TOR1AIP1: variants seen among roughly 807,000 people sequenced by gnomAD.
TOR1AIP1 encodes the protein torsin 1A interacting protein 1.
In TOR1AIP1, 54 loss-of-function variants were observed where a neutral mutation model predicts 63.3. The observed-to-expected ratio is 0.85, with a 90% CI of 0.69 to 1.07. The LOEUF is 1.07. Ranked by LOEUF, TOR1AIP1 falls within the 50% of genes least tolerant of loss-of-function variation. The pLI is 0.00. For synonymous variants in TOR1AIP1, 294 were observed against 273.5 expected (o/e 1.07, Z -0.74); for missense variants, 736 against 715.0 (o/e 1.03, Z -0.33).
chr1:179,899,956 A>G (rs550729045), intron 3 of TOR1AIP1, among the ~76,000 whole-genome samples, 170 bp from the exon 4 acceptor site: 1 of 152,280 alleles, frequency 6.6e-6, no homozygotes, highest in East Asian at 1.9e-4. Context: ...ATTCTTAGTG[A>G]TTTAACAGAA....
At chr1:179,887,667 A>G (rs1379483468) in intron 2 of TOR1AIP1, among the ~76,000 whole-genome samples, 2 of 152,260 alleles carry the variant, frequency 1.3e-5, no homozygotes, top group African/African-American at 4.8e-5. Flanking sequence ...TCTGGAAATT[A>G]TGACACTAAT....
intron 1 of TOR1AIP1, chr1:179,883,806 A>T: frequency 2.5e-6 from 1 of 397,226 alleles, no homozygotes; most frequent in Admixed American, 2.8e-5. Flanking sequence ...CAGTTTCCTT[A>T]ATCTATCCTC....
intron 3 of TOR1AIP1, among the ~76,000 whole-genome samples, chr1:179,899,713 C>T (rs1279620037): frequency 6.6e-6 from 1 of 152,138 alleles, no homozygotes; most frequent in Non-Finnish European, 1.5e-5. Context: ...GGCGCGATCT[C>T]GGCTCACTGC....
At chr1:179,906,009 T>C (rs992797282) in intron 6 of TOR1AIP1, among the ~76,000 whole-genome samples, 1 of 152,146 alleles carries the variant, frequency 6.6e-6, no homozygotes, top group Non-Finnish European at 1.5e-5. Context: ...TGTATCCTAA[T>C]GAAAAGTTGA....
At chr1:179,906,887 A>G (rs1202385781) in intron 6 of TOR1AIP1, among the ~76,000 whole-genome samples, 3 of 150,802 alleles carry the variant, frequency 2.0e-5, no homozygotes, top group Non-Finnish European at 4.4e-5. Context: ...ACAGGCGCCC[A>G]CCACCACGCC....
At chr1:179,915,155 T>C (rs1016836861) in intron 9 of TOR1AIP1, among the ~76,000 whole-genome samples, 28 of 152,202 alleles carry the variant, frequency 1.8e-4, no homozygotes, top group African/African-American at 6.3e-4. Context: ...TATACAGATA[T>C]GAAAAATTTT....
chr1:179,905,486 G>A (rs1308137208), intron 6 of TOR1AIP1, among the ~76,000 whole-genome samples: 1 of 152,026 alleles, frequency 6.6e-6, no homozygotes, highest in African/African-American at 2.4e-5. Context: ...TAGGTTCTGG[G>A]TTTGTGACTA....
At chr1:179,901,926 C>T (rs1182691747) in intron 5 of TOR1AIP1, among the ~76,000 whole-genome samples, 1 of 150,768 alleles carries the variant, frequency 6.6e-6, no homozygotes, top group African/African-American at 2.4e-5. Context: ...TAATGCTAAA[C>T]AAATTTGTAA....
At chr1:179,907,980 C>T (rs1648706911) in intron 7 of TOR1AIP1, 116 bp downstream of exon 7, 1 of 621,130 alleles carries the variant, frequency 1.6e-6, no homozygotes, top group East Asian at 3.7e-5. Context: ...GCAATCTGGG[C>T]TCATTGCAAG....
intron 3 of TOR1AIP1, among the ~76,000 whole-genome samples, chr1:179,889,672 T>G (rs1648006431): frequency 6.6e-6 from 1 of 151,128 alleles, no homozygotes; most frequent in Non-Finnish European, 1.5e-5. Flanking sequence ...TTTTTTAATT[T>G]GAGACAAGAT....
At chr1:179,908,201 C>G (rs1436504054) in intron 7 of TOR1AIP1, among the ~76,000 whole-genome samples, 1 of 152,144 alleles carries the variant, frequency 6.6e-6, no homozygotes, top group Non-Finnish European at 1.5e-5. Context: ...AGCCACCGCA[C>G]CCAGCCTCAG....
rs749139843 is a variant in TOR1AIP1, at chr1:179,903,996, T to C, written c.770T>C (p.Ile257Thr). 3 of 1,608,478 alleles carry C rather than the reference T, an allele frequency of 1.9e-6. No individual in the cohort carries two copies. The South Asian group carries it at 3.3e-5, about 18-fold the overall frequency. Residue 257 changes from isoleucine (I) to threonine (T), a missense_variant, in exon 6 of 10, where the codon ATA becomes ACA. Ile to Thr is a moderately conservative substitution (Grantham distance 89, BLOSUM62 -1). This residue lies in a region of TOR1AIP1 where 464 missense variants were observed against 371.0 expected (regional missense o/e 1.25). Transcript: ENST00000606911. ...ACCACCAGATCATCTAGTCAATATATAGAATCATTTTGGCAGTCATCACAA... is the reference window on the plus strand; with the variant it reads ...ACCACCAGATCATCTAGTCAATATACAGAATCATTTTGGCAGTCATCACAA... ...DKTTRSSSQY[I>T]ESFWQSSQSQ...
At chr1:179,888,074 A>T (rs1647961747) in intron 2 of TOR1AIP1, 1 of 152,234 alleles carries the variant, frequency 6.6e-6, no homozygotes. Context: ...TTCTTAAATG[A>T]AAAGATGGGA....
chr1:179,889,252 T>C lies in TOR1AIP1; in HGVS notation c.554-61T>C. The C allele has an allele frequency of 1.5e-6, 2 of 1,324,466 alleles. 1 individual carries two copies. The allele number at this position is 1,324,466 out of a possible 1,614,324, so 82.0% of individuals were successfully genotyped here. A position where few individuals can be genotyped will look rare whatever the true frequency, so the allele number is the denominator to read the frequency against. On this transcript the variant is annotated intron_variant, in intron 2 of 9. Coordinates refer to ENST00000606911, the MANE Select transcript of TOR1AIP1 (RefSeq NM_015602.4). ...GAATAAATAAGGGATGATCATGTAA[T>C]AAAGCTAGTATGTTTCACATTTTAT...
Position 179,917,685 on chromosome 1 carries a change from A to G in TOR1AIP1, c.1198A>G (p.Ser400Gly). 3 of 1,614,222 alleles carry G rather than the reference A, an allele frequency of 1.9e-6. No individual in the cohort carries two copies. The highest frequency in any genetic ancestry group is 2.5e-6 in the Non-Finnish European group (3 of 1,180,044). The change falls in exon 10 of 10, where the codon AGC (serine) becomes GGC (glycine). Residue 400 changes from serine (S) to glycine (G), a missense_variant. By Grantham distance (56) the Ser-to-Gly change is moderately conservative. Coordinates refer to ENST00000606911, the MANE Select transcript of TOR1AIP1 (RefSeq NM_015602.4). ...AACATTCCTGGAAAAACATCTTAAT[A>G]GCTCCCATCCTCGGTCTCAGCCTGC... ...SQTFLEKHLN[S>G]SHPRSQPAIL...
intron 3 of TOR1AIP1, among the ~76,000 whole-genome samples, chr1:179,897,644 G>A (rs1418720223): frequency 6.6e-6 from 1 of 152,064 alleles, no homozygotes. Context: ...AAGAGGTTTT[G>A]TCTACCATAT....
chr1:179,908,930 C>T (rs1253485314), intron 8 of TOR1AIP1, among the ~76,000 whole-genome samples: 3 of 152,094 alleles, frequency 2.0e-5, no homozygotes, highest in East Asian at 3.8e-4. Context: ...CTTTGGGAGG[C>T]CGAGGTGGGT....
intron 7 of TOR1AIP1, 49 bp downstream of exon 7, chr1:179,907,913 CTTTTTTTTTTT>C (rs34218138): frequency 2.0e-5 from 7 of 356,766 alleles, no homozygotes; most frequent in Non-Finnish European, 2.9e-5. Context: ...ATTCTTTTCT[CTTTTTTTTTTT>C]TTTTTTTTTT....
chr1:179,908,238 C>T (rs1648714782), intron 7 of TOR1AIP1, among the ~76,000 whole-genome samples: 1 of 152,028 alleles, frequency 6.6e-6, no homozygotes, highest in African/African-American at 2.4e-5. Flanking sequence ...TTGCCTTATT[C>T]TCCCAACAAA....
Sources: gnomAD v4.1 joint callset for allele counts (sites outside exome capture counted in the v4.1 genomes callset) on GRCh38, gnomAD v4.1.1 for gene constraint, gnomAD v4.1.1 regional missense constraint, MANE v1.5 for transcripts, NCBI Gene and HGNC (gene_info 2026-07-23, HGNC 2026-07-21) for gene names.